Variants in ZBTB40 observed in about 807,000 individuals in gnomAD.
The protein encoded by ZBTB40 is zinc finger and BTB domain containing 40.
ZBTB40 carries 60 observed loss-of-function variants against 117.5 expected under a neutral mutation model. The ratio of observed to expected loss-of-function variants is 0.51; its 90% CI spans 0.41 to 0.63. The LOEUF is 0.63. Ranked by LOEUF, ZBTB40 falls within the 30% of genes least tolerant of loss-of-function variation. ZBTB40 has a pLI of 0.00. For missense variants in ZBTB40, 1,287 were observed against 1,498.5 expected (o/e 0.86, Z 2.33); for synonymous variants, 525 against 577.1 (o/e 0.91, Z 1.29).
At chr1:22,480,586 G>A (rs1284081402) in intron 1 of ZBTB40, among the ~76,000 whole-genome samples, 2 of 150,192 alleles carry the variant, frequency 1.3e-5, no homozygotes, top group Non-Finnish European at 3.0e-5. Flanking sequence ...TCCTGACCTC[G>A]TGATCTGCCC....
At chr1:22,512,674 G>C (rs1177635873) in intron 11 of ZBTB40, among the ~76,000 whole-genome samples, 1 of 152,208 alleles carries the variant, frequency 6.6e-6, no homozygotes, top group Non-Finnish European at 1.5e-5. Context: ...GAATGGGGAA[G>C]ATAAGCCCAG....
chr1:22,465,221 G>A (rs371648943), intron 1 of ZBTB40, among the ~76,000 whole-genome samples: 7 of 152,112 alleles, frequency 4.6e-5, no homozygotes, highest in Non-Finnish European at 7.4e-5. Flanking sequence ...TTGACTAGAC[G>A]TCTGCTGCTC....
intron 1 of ZBTB40, among the ~76,000 whole-genome samples, chr1:22,460,686 G>A (rs1206737841): frequency 1.3e-5 from 2 of 152,148 alleles, no homozygotes; most frequent in African/African-American, 4.8e-5. Context: ...GTAACTCAAG[G>A]TTACAAAGCT....
chr1:22,490,544 A>G lies in ZBTB40; in HGVS notation c.596A>G (p.Asn199Ser), dbSNP rs1325620539. The G allele has an allele frequency of 2.4e-5, 38 of 1,612,876 alleles. No individual in the cohort carries two copies. Among genetic ancestry groups the G allele is most frequent in the Non-Finnish European group, 3.0e-5 (35 of 1,179,416 alleles). The change falls in exon 2 of 18, where the codon AAT becomes AGT. Residue 199 changes from asparagine (N) to serine (S), a missense_variant. By Grantham distance (46) the Asn-to-Ser change is conservative. Transcript: ENST00000375647. Reference protein sequence around the residue: ...NSPTAQESQRNAETPAETPTT... With the variant: ...NSPTAQESQRSAETPAETPTT... ...CCCACAGCCCAGGAGAGCCAGAGGA[A>G]TGCAGAAACCCCAGCGGAGACTCCT...
Position 22,511,839 on chromosome 1 carries a change from G to A in ZBTB40, c.2166G>A (p.Glu722=). 1 of 1,614,208 alleles carries A rather than the reference G, an allele frequency of 6.2e-7. No homozygotes were observed. Among genetic ancestry groups the A allele is most frequent in the Non-Finnish European group, 8.5e-7 (1 of 1,180,022 alleles). ...CTGGTTCCTTGCCAGGACAGCAAGA[G>A]AAAGAGGCTTCAGCCTCCCCAGACC... ...GETGSLPGQQ[E]KEASASPDPA... The change falls in exon 11 of 18, where the codon GAG becomes GAA. Residue 722 remains glutamate, a synonymous_variant. Transcript: ENST00000375647.
intron 13 of ZBTB40, among the ~76,000 whole-genome samples, chr1:22,517,960 C>T (rs886601954): frequency 6.6e-5 from 10 of 152,218 alleles, no homozygotes; most frequent in Admixed American, 6.5e-4. Flanking sequence ...GGGGTCTGCC[C>T]CTGTCTTTCT....
In ZBTB40 at chr1:22,501,680, A is replaced by G; in HGVS notation, c.1020A>G (p.Pro340=). Residue 340 remains proline, a synonymous_variant, in exon 4 of 18, where the codon CCA becomes CCG. Transcript: ENST00000375647. ...CAGAAGATGTAGACACAGTGCAGCC[A>G]AAAGGTAGGAGAAGATCCTATGCAT... ...RKPEDVDTVQ[P]KGSTEEGKTL... 6.2e-7 allele frequency: 1 copy of G among 1,613,552 alleles called. No individual in the cohort carries two copies. Among genetic ancestry groups the G allele is most frequent in the Non-Finnish European group, 8.5e-7 (1 of 1,179,908 alleles).
intron 1 of ZBTB40, among the ~76,000 whole-genome samples, chr1:22,437,871 A>AT (rs568730813): frequency 8.2e-3 from 163 of 19,832 alleles, no homozygotes; most frequent in Admixed American, 9.1e-3. Context: ...CACGCCTGTA[A>AT]TCCAGCACTT....
rs999322678 is a variant in ZBTB40 at position 22,528,837 on chromosome 1, G to T, written c.*2441G>T. On this transcript the variant is annotated 3_prime_UTR_variant, in exon 18 of 18. Coordinates refer to ENST00000375647, the MANE Select transcript of ZBTB40 (RefSeq NM_014870.4). ...AGACATGAGCCACTACGCCTGGCCA[G>T]GTTTCTGTTGGAGACCCAGATTGTG... 2 of 152,112 alleles carry T rather than the reference G, an allele frequency of 1.3e-5. No homozygotes were observed. The highest frequency in any genetic ancestry group is 4.8e-5 in the African/African-American group (2 of 41,410). 9.4% of individuals were successfully genotyped at this position (152,112 alleles called of 1,614,324 possible).
intron 1 of ZBTB40, among the ~76,000 whole-genome samples, chr1:22,484,639 TTCTTG>T (rs1638416440): frequency 2.0e-5 from 3 of 152,214 alleles, no homozygotes; most frequent in Admixed American, 2.0e-4. Flanking sequence ...CTATTTCCTT[TTCTTG>T]TCTTGTTGCA....
chr1:22,437,123 C>T (rs1296170008), intron 1 of ZBTB40, among the ~76,000 whole-genome samples: 7 of 152,188 alleles, frequency 4.6e-5, no homozygotes, highest in African/African-American at 1.7e-4. Flanking sequence ...GCCAAACAAA[C>T]TAAACATCAA....
intron 10 of ZBTB40, 91 bp downstream of exon 10, chr1:22,511,438 C>T (rs1639229522): frequency 6.5e-7 from 1 of 1,542,444 alleles, no homozygotes; most frequent in South Asian, 1.2e-5. Context: ...CATAGTTTAT[C>T]ACAACCTTAA....
rs61769198 is a variant in ZBTB40, at chr1:22,522,479, A to C, written c.3298+16A>C. 0.19 allele frequency: 304,116 copies of C among 1,613,254 alleles called. 30,938 individuals carry two copies. Among genetic ancestry groups the C allele is most frequent in the Admixed American group, 0.26 (15,421 of 60,002 alleles). ...CAGCATTCAGGTCAGTACCCCTGTC[A>C]GCATACTTCTAGGCTAGACTCGGGG... is the stretch of plus-strand genomic sequence containing the variant. On this transcript the variant is annotated intron_variant, in intron 16 of 17. Transcript: ENST00000375647.
At chr1:22,478,563 T>A (rs983363420) in intron 1 of ZBTB40, among the ~76,000 whole-genome samples, 4 of 152,188 alleles carry the variant, frequency 2.6e-5, no homozygotes, top group Non-Finnish European at 4.4e-5. Flanking sequence ...GTAATTTTCT[T>A]ACCTATAAAA....
intron 16 of ZBTB40, 78 bp downstream of exon 16, chr1:22,522,541 C>G: frequency 7.0e-7 from 1 of 1,418,532 alleles, no homozygotes; most frequent in Non-Finnish European, 1.0e-6. Context: ...GCTTTGCAAC[C>G]TAGGCTAAAT....
At chr1:22,482,798 G>A (rs1638359889) in intron 1 of ZBTB40, among the ~76,000 whole-genome samples, 1 of 152,206 alleles carries the variant, frequency 6.6e-6, no homozygotes, top group Non-Finnish European at 1.5e-5. Flanking sequence ...AAGGCCGGGT[G>A]CGGTGGCTCA....
intron 12 of ZBTB40, among the ~76,000 whole-genome samples, chr1:22,515,751 A>G (rs1218423262): frequency 1.3e-5 from 2 of 152,222 alleles, no homozygotes; most frequent in African/African-American, 2.4e-5. Context: ...GTATGGTAAC[A>G]TACACACAGG....
At chr1:22,500,627 A>G (rs1638902371) in intron 3 of ZBTB40, among the ~76,000 whole-genome samples, 1 of 152,232 alleles carries the variant, frequency 6.6e-6, no homozygotes, top group Non-Finnish European at 1.5e-5. Flanking sequence ...ATTGTGATAC[A>G]GAGGCACTGC....
intron 1 of ZBTB40, among the ~76,000 whole-genome samples, chr1:22,439,707 T>C (rs1031125651): frequency 6.6e-6 from 1 of 152,244 alleles, no homozygotes; most frequent in African/African-American, 2.4e-5. Context: ...TCTTTCTTTA[T>C]GCCAGTACCA....
Sources: allele counts gnomAD v4.1 joint callset (sites outside exome capture counted in the v4.1 genomes callset), GRCh38; gene constraint gnomAD v4.1.1; transcripts MANE v1.5; gene names NCBI Gene and HGNC (gene_info 2026-07-23, HGNC 2026-07-21).